Variants in TMEM135 observed in about 807,000 individuals in gnomAD.
TMEM135 encodes the protein transmembrane protein 135, also known as peroxisomal membrane protein 52.
A neutral mutation model predicts 60.3 loss-of-function variants in TMEM135; 30 were observed. The ratio of observed to expected loss-of-function variants is 0.50; its 90% CI spans 0.37 to 0.68. The LOEUF (loss-of-function observed/expected upper bound fraction) is 0.68. Among genes scored for constraint, TMEM135 ranks in the 30% least tolerant of loss-of-function variants. The pLI is 0.00. For missense variants in TMEM135, 468 were observed against 548.8 expected (o/e 0.85, Z 1.47); for synonymous variants, 190 against 186.7 (o/e 1.02, Z -0.14).
intron 4 of TMEM135, among the ~76,000 whole-genome samples, chr11:87,099,835 A>G (rs992960926): frequency 1.3e-5 from 2 of 151,830 alleles, no homozygotes; most frequent in African/African-American, 2.4e-5. Flanking sequence ...GGTGTGCACC[A>G]CCATGCCTGG....
At chr11:87,150,024 C>A (rs937990853) in intron 4 of TMEM135, among the ~76,000 whole-genome samples, 8 of 151,978 alleles carry the variant, frequency 5.3e-5, no homozygotes, top group African/African-American at 1.7e-4. Flanking sequence ...TAGCGACCAG[C>A]CTGACTAACA....
intron 1 of TMEM135, among the ~76,000 whole-genome samples, chr11:87,064,962 T>TCCCCC (rs557418217): frequency 1.3e-5 from 2 of 151,406 alleles, no homozygotes; most frequent in South Asian, 4.2e-4. Context: ...TTTTTTTTTT[T>TCCCCC]CCCCCCACTC....
intron 6 of TMEM135, among the ~76,000 whole-genome samples, chr11:87,253,767 C>T (rs1284348233): frequency 6.7e-6 from 1 of 149,892 alleles, no homozygotes; most frequent in Non-Finnish European, 1.5e-5. Flanking sequence ...CAAATTGGCA[C>T]TGTGTAATCT....
chr11:87,074,940 C>T (rs1169382233), intron 3 of TMEM135, among the ~76,000 whole-genome samples: 3 of 151,936 alleles, frequency 2.0e-5, no homozygotes, highest in Non-Finnish European at 4.4e-5. Context: ...TTTCCTTTTT[C>T]TAAAAGTACT....
At chr11:87,274,876 ATATG>A (rs1941939945) in intron 6 of TMEM135, among the ~76,000 whole-genome samples, 1 of 149,672 alleles carries the variant, frequency 6.7e-6, no homozygotes, top group Non-Finnish European at 1.5e-5. Flanking sequence ...ATATTTATAT[ATATG>A]TATTATATAT....
chr11:87,143,320 A>G (rs1408101236), intron 4 of TMEM135, among the ~76,000 whole-genome samples: 1 of 148,978 alleles, frequency 6.7e-6, no homozygotes, highest in Non-Finnish European at 1.5e-5. Context: ...CAATACCTGG[A>G]CCCATTTGGA....
intron 3 of TMEM135, among the ~76,000 whole-genome samples, chr11:87,080,185 T>C (rs1157341722): frequency 1.3e-5 from 2 of 150,710 alleles, no homozygotes; most frequent in Non-Finnish European, 3.0e-5. Flanking sequence ...TTTTTTTTTT[T>C]GATATCAACA....
At chr11:87,106,437 A>G (rs1857599417) in intron 4 of TMEM135, among the ~76,000 whole-genome samples, 2 of 152,014 alleles carry the variant, frequency 1.3e-5, no homozygotes, top group South Asian at 4.1e-4. Flanking sequence ...TATTCTTTTA[A>G]TGTATTAATT....
intron 4 of TMEM135, among the ~76,000 whole-genome samples, chr11:87,129,352 C>T (rs549052028): frequency 6.7e-6 from 1 of 148,626 alleles, no homozygotes; most frequent in African/African-American, 2.5e-5. Flanking sequence ...AAGCAGTTCT[C>T]CTGTCTCAGC....
intron 4 of TMEM135, among the ~76,000 whole-genome samples, chr11:87,149,509 T>G (rs607619): frequency 0.37 from 55,785 of 151,920 alleles, 10,754 homozygotes; most frequent in East Asian, 0.67. Context: ...CTGCTTTCTT[T>G]TAACACAGAC....
At chr11:87,310,082 T>C (rs950583539) in intron 10 of TMEM135, among the ~76,000 whole-genome samples, 5 of 152,114 alleles carry the variant, frequency 3.3e-5, no homozygotes, top group Non-Finnish European at 7.4e-5. Flanking sequence ...CTAGCTGAAA[T>C]AAACACTTGA....
intron 5 of TMEM135, among the ~76,000 whole-genome samples, chr11:87,189,684 C>T (rs1016231519): frequency 8.0e-4 from 119 of 149,096 alleles, no homozygotes; most frequent in Non-Finnish European, 4.6e-4. Flanking sequence ...TTTGGGAGAC[C>T]AAAGAGGGAG....
intron 5 of TMEM135, among the ~76,000 whole-genome samples, chr11:87,201,178 T>G (rs1356811357): frequency 6.6e-6 from 1 of 152,208 alleles, no homozygotes; most frequent in Admixed American, 6.5e-5. Context: ...GTAGGAATTA[T>G]AAATTCAGGA....
At chr11:87,167,120 T>C (rs938746685) in intron 5 of TMEM135, among the ~76,000 whole-genome samples, 1 of 152,174 alleles carries the variant, frequency 6.6e-6, no homozygotes, top group Non-Finnish European at 1.5e-5. Flanking sequence ...CTGTTATCAA[T>C]GTGTAGGAAT....
At chr11:87,146,682 G>T (rs1030616448) in intron 4 of TMEM135, among the ~76,000 whole-genome samples, 2 of 152,142 alleles carry the variant, frequency 1.3e-5, no homozygotes, top group Admixed American at 6.5e-5. Context: ...AAAAAGTGCT[G>T]TACTAAACTA....
At position 87,101,672 on chromosome 11, in the gene TMEM135, A is replaced by C. The variant is rs183406583; in HGVS notation, c.396+10277A>C. Reference sequence around the variant, plus strand: ...CATCTGTATTTGATTTTTCAAACATAGGTTTGAAAATGGTGATTCAGCCTA... The same window carrying C: ...CATCTGTATTTGATTTTTCAAACATCGGTTTGAAAATGGTGATTCAGCCTA... On this transcript the variant is annotated intron_variant, in intron 4 of 14. Transcript: ENST00000305494. Among the ~76,000 whole-genome samples the C allele has an allele frequency of 3.7e-3, 556 of 152,310 alleles. 8 individuals are homozygous for C. The highest frequency in any genetic ancestry group is 0.013 in the African/African-American group (526 of 41,570).
chr11:87,273,607 C>G (rs190549118), intron 6 of TMEM135, among the ~76,000 whole-genome samples: 3 of 152,220 alleles, frequency 2.0e-5, no homozygotes, highest in African/African-American at 7.2e-5. Context: ...AAAAGAATCT[C>G]AAACACCAAG....
chr11:87,306,212 TA>T (rs943016152), intron 9 of TMEM135, among the ~76,000 whole-genome samples: 2 of 152,192 alleles, frequency 1.3e-5, no homozygotes, highest in African/African-American at 2.4e-5. Flanking sequence ...TTAAATAATT[TA>T]AAAAATTAGC....
At chr11:87,241,282 C>T (rs951035387) in intron 6 of TMEM135, among the ~76,000 whole-genome samples, 2 of 151,848 alleles carry the variant, frequency 1.3e-5, no homozygotes, top group South Asian at 2.1e-4. Context: ...TTGATCTTGG[C>T]GTTTAAACCA....
Sources: allele counts gnomAD v4.1 joint callset (sites outside exome capture counted in the v4.1 genomes callset), GRCh38; gene constraint gnomAD v4.1.1; transcripts MANE v1.5; gene names NCBI Gene and HGNC (gene_info 2026-07-23, HGNC 2026-07-21).